The following ANKRD33B variants were observed in gnomAD, a reference collection of about 807,000 sequenced individuals.
The protein encoded by ANKRD33B is ankyrin repeat domain-containing protein 33B.
In ANKRD33B, 6 loss-of-function variants were observed where a neutral mutation model predicts 21.5. That is an observed-to-expected ratio of 0.28 (90% CI 0.15 to 0.55). The LOEUF is 0.55. Among genes scored for constraint, ANKRD33B ranks in the 20% least tolerant of loss-of-function variants. The probability of loss-of-function intolerance (pLI) is 0.94; values close to 1 mark genes in which losing one functional copy is unlikely to be tolerated. For synonymous variants in ANKRD33B, 347 were observed against 342.4 expected, an observed-to-expected ratio of 1.01 and a Z score of -0.15; for missense variants, 698 against 747.2, an observed-to-expected ratio of 0.93 and a Z score of 0.77.
At chr5:10,582,415 G>A (rs1735462757) in intron 1 of ANKRD33B, among the ~76,000 whole-genome samples, 1 of 152,078 alleles carries the variant, frequency 6.6e-6, no homozygotes, top group African/African-American at 2.4e-5. Context: ...CCACCATGAT[G>A]GTCTCCCACA....
intron 1 of ANKRD33B, among the ~76,000 whole-genome samples, chr5:10,607,314 TC>T (rs1484010678): frequency 6.6e-6 from 1 of 152,174 alleles, no homozygotes; most frequent in Non-Finnish European, 1.5e-5. Context: ...CTGCCCTCAC[TC>T]CGGAGGCCCA....
At chr5:10,612,625 GT>G (rs1246911532) in intron 1 of ANKRD33B, among the ~76,000 whole-genome samples, 1 of 152,264 alleles carries the variant, frequency 6.6e-6, no homozygotes, top group Non-Finnish European at 1.5e-5. Context: ...GAACCAGGAA[GT>G]TGTCCCCTCA....
intron 2 of ANKRD33B, among the ~76,000 whole-genome samples, chr5:10,635,173 G>T (rs1736826879): frequency 1.3e-5 from 2 of 152,174 alleles, no homozygotes; most frequent in African/African-American, 2.4e-5. Context: ...ATATATCAGT[G>T]CAAAGGAACA....
chr5:10,636,960 G>T (rs914392827), intron 2 of ANKRD33B, among the ~76,000 whole-genome samples: 1 of 152,206 alleles, frequency 6.6e-6, no homozygotes, highest in Admixed American at 6.5e-5. Flanking sequence ...GCATCTATCG[G>T]GTAGAGACCA....
intron 1 of ANKRD33B, among the ~76,000 whole-genome samples, chr5:10,617,177 G>T (rs1052841250): frequency 6.6e-6 from 1 of 152,142 alleles, no homozygotes; most frequent in African/African-American, 2.4e-5. Flanking sequence ...TTAACATTTG[G>T]TAATACTTAA....
chr5:10,582,350 C>T (rs1314481812), intron 1 of ANKRD33B, among the ~76,000 whole-genome samples: 1 of 152,158 alleles, frequency 6.6e-6, no homozygotes, highest in Non-Finnish European at 1.5e-5. Context: ...ATCCTAGAGT[C>T]AGCCCAGCCT....
intron 1 of ANKRD33B, among the ~76,000 whole-genome samples, chr5:10,610,077 C>T (rs903098915): frequency 6.6e-6 from 1 of 152,166 alleles, no homozygotes; most frequent in Non-Finnish European, 1.5e-5. Context: ...ATCAGGAATG[C>T]GAAGTGAAAA....
rs185949957 is a variant in ANKRD33B at position 10,569,649 on chromosome 5, A to G, written c.366+4816A>G. 1.4e-3 allele frequency among the ~76,000 whole-genome samples: 198 copies of G among 146,116 alleles called. 1 individual carries two copies. Among genetic ancestry groups the G allele is most frequent in the African/African-American group, 4.7e-3 (185 of 39,784 alleles). On this transcript the variant is annotated intron_variant, in intron 1 of 3. Transcript: ENST00000296657. ...ATAGAGGCATGTATGCTAGTGTTTT[A>G]GTTGCATCTCCAAATTCTGAACTGT...
At chr5:10,594,293 C>T (rs1315807462) in intron 1 of ANKRD33B, among the ~76,000 whole-genome samples, 1 of 146,336 alleles carries the variant, frequency 6.8e-6, no homozygotes, top group Non-Finnish European at 1.5e-5. Flanking sequence ...GCAATGCCCA[C>T]CACAACCTCC....
At chr5:10,647,009 G>A (rs1028673310) in intron 3 of ANKRD33B, among the ~76,000 whole-genome samples, 22 of 152,180 alleles carry the variant, frequency 1.4e-4, no homozygotes, top group African/African-American at 5.3e-4. Flanking sequence ...GCGTCTGTCG[G>A]GTCCGGTCCC....
At chr5:10,569,597 AAAAT>A (rs56346529) in intron 1 of ANKRD33B, among the ~76,000 whole-genome samples, 54 of 148,422 alleles carry the variant, frequency 3.6e-4, no homozygotes, top group Non-Finnish European at 5.2e-4. Flanking sequence ...CCCGTGTTTG[AAAAT>A]AAATAAATAA....
chr5:10,586,501 G>A (rs1180347089), intron 1 of ANKRD33B, among the ~76,000 whole-genome samples: 1 of 137,330 alleles, frequency 7.3e-6, no homozygotes, highest in Non-Finnish European at 1.6e-5. Flanking sequence ...GTGTGTGTGT[G>A]TGTGTGTGTG....
rs113222960 is a variant in ANKRD33B, at chr5:10,649,672, G to A, written c.1044G>A (p.Ala348=). 454,191 of 1,528,166 alleles carry A rather than the reference G, an allele frequency of 0.3. 68,275 individuals carry two copies. The highest frequency in any genetic ancestry group is 0.31 in the Non-Finnish European group (353,651 of 1,143,190). The allele number at this position is 1,528,166 out of a possible 1,614,324, so 94.7% of individuals were successfully genotyped here. ...TGGCGGTGCAGGAGATCCTGGCGGC[G>A]CGGGCTGCACGGGGCCCCCAGGCGC... The part of the protein sequence containing the change: ...RRLAVQEILA[A]RAARGPQAQE... The change falls in exon 4 of 4, where the codon GCG becomes GCA. Residue 348 remains alanine, a synonymous_variant. Coordinates refer to ENST00000296657, the MANE Select transcript of ANKRD33B (RefSeq NM_001164440.2).
rs1223274471 is a variant in ANKRD33B at position 10,654,977 on chromosome 5, GCTCCTCCTGACAGA to G, written c.*4870_*4883del. 1 of 152,386 alleles carries G rather than the reference GCTCCTCCTGACAGA, an allele frequency of 6.6e-6. No individual in the cohort carries two copies. Among genetic ancestry groups the G allele is most frequent in the East Asian group, 1.9e-4 (1 of 5,334 alleles). 9.4% of individuals were successfully genotyped at this position (152,386 alleles called of 1,614,324 possible). ...TCGTGGACATCTTCCTTCCTCTCAG[GCTCCTCCTGACAGA>G]CTCCTGGCAGCACTGGAGACCTCAG... On this transcript the variant is annotated 3_prime_UTR_variant, in exon 4 of 4. Coordinates refer to ENST00000296657, the MANE Select transcript of ANKRD33B (RefSeq NM_001164440.2).
At chr5:10,609,850 C>G (rs941657525) in intron 1 of ANKRD33B, among the ~76,000 whole-genome samples, 1 of 152,014 alleles carries the variant, frequency 6.6e-6, no homozygotes, top group Admixed American at 6.6e-5. Flanking sequence ...TGGAGGCTGC[C>G]GTGAGCTGAG....
chr5:10,599,158 AGTGTGCGCTCTG>A (rs537818498), intron 1 of ANKRD33B, among the ~76,000 whole-genome samples: 2 of 152,184 alleles, frequency 1.3e-5, no homozygotes, highest in Non-Finnish European at 2.9e-5. Flanking sequence ...GGAATCACAC[AGTGTGCGCTCTG>A]GTGCCTGGAT....
At chr5:10,638,642 G>A (rs987779050) in intron 3 of ANKRD33B, among the ~76,000 whole-genome samples, 2 of 152,066 alleles carry the variant, frequency 1.3e-5, no homozygotes, top group African/African-American at 4.8e-5. Context: ...TTAATGTTGG[G>A]ATGTGATGTG....
intron 1 of ANKRD33B, 22 bp from the exon 2 acceptor site, chr5:10,618,311 C>A (rs376989142): frequency 6.5e-7 from 1 of 1,536,220 alleles, no homozygotes; most frequent in Non-Finnish European, 8.7e-7. Context: ...CCCTCTGACC[C>A]GCTTCCCCTC....
At chr5:10,624,780 C>A in intron 2 of ANKRD33B, 1 of 456,778 alleles carries the variant, frequency 2.2e-6, no homozygotes. Context: ...CCCAATCTTG[C>A]GCCTCCGGCG....
Sources: gnomAD v4.1 joint callset for allele counts (sites outside exome capture counted in the v4.1 genomes callset) on GRCh38, gnomAD v4.1.1 for gene constraint, MANE v1.5 for transcripts, NCBI Gene and HGNC (gene_info 2026-07-23, HGNC 2026-07-21) for gene names.